The following IL1RAP variants were observed in gnomAD, a reference collection of about 807,000 sequenced individuals.
IL1RAP encodes interleukin-1 receptor accessory protein.
IL1RAP carries 35 observed loss-of-function variants against 60.7 expected under a neutral mutation model. That is an observed-to-expected ratio of 0.58 (90% CI 0.44 to 0.76). The LOEUF is 0.76. Among genes scored for constraint, IL1RAP ranks in the 30% least tolerant of loss-of-function variants. The pLI, the probability that IL1RAP is intolerant of heterozygous loss-of-function variation, is 0.00. For synonymous variants in IL1RAP, 268 were observed against 250.9 expected, an observed-to-expected ratio of 1.07 and a Z score of -0.64; for missense variants, 572 against 693.9, an observed-to-expected ratio of 0.82 and a Z score of 1.97.
chr3:190,556,849 G>A (rs762546221), intron 2 of IL1RAP, among the ~76,000 whole-genome samples: 2 of 152,194 alleles, frequency 1.3e-5, no homozygotes, highest in Non-Finnish European at 2.9e-5. Context: ...AATAAGAGTT[G>A]ATGATAAACA....
At chr3:190,538,658 T>A (rs1399655600) in intron 1 of IL1RAP, among the ~76,000 whole-genome samples, 1 of 152,174 alleles carries the variant, frequency 6.6e-6, no homozygotes. Context: ...GGTTGGGTTT[T>A]ATAGACCCTA....
At chr3:190,654,864 A>G (rs75067594), downstream of IL1RAP, among the ~76,000 whole-genome samples, 1,641 of 152,312 alleles carry the variant, frequency 0.011, 31 homozygotes, top group African/African-American at 0.038. Flanking sequence ...TAAATCTCAC[A>G]GTGAGTTAAG....
In IL1RAP at chr3:190,648,745, C is replaced by T. The variant is rs1392044274; in HGVS notation, c.*40C>T. ...AGGGTAAAAAGAACAAGGGGTGCTC[C>T]AGGAAGAAAGAGTCCCCCCAGTCTT... On this transcript the variant is annotated 3_prime_UTR_variant, in exon 12 of 12. Coordinates refer to ENST00000447382, the MANE Select transcript of IL1RAP (RefSeq NM_002182.4). The T allele has an allele frequency of 6.4e-7, 1 of 1,558,144 alleles. No individual in the cohort carries two copies. The highest frequency in any genetic ancestry group is 8.7e-7 in the Non-Finnish European group (1 of 1,155,818).
chr3:190,583,303 G>A (rs377217804), intron 3 of IL1RAP, among the ~76,000 whole-genome samples: 132 of 152,306 alleles, frequency 8.7e-4, no homozygotes, highest in African/African-American at 2.9e-3. Context: ...AATACTCAGC[G>A]AATGAATGAA....
Position 190,648,325 on chromosome 3 carries a change from T to C in IL1RAP, c.1346-13T>C, listed in dbSNP as rs764530298. The C allele has an allele frequency of 2.6e-6, 4 of 1,563,518 alleles. No individual in the cohort carries two copies. The Admixed American group carries it at 8.1e-5, about 32-fold the overall frequency. On this transcript the variant is annotated splice_polypyrimidine_tract_variant and intron_variant, in intron 11 of 11. Transcript: ENST00000447382. ...TGGCCAACACTAATCCCCATGGTTG[T>C]TTTCTTTCCCAGTTGTCACAGATGA... is the stretch of plus-strand genomic sequence containing the variant.
At chr3:190,594,019 C>A (rs1288092258) in intron 3 of IL1RAP, among the ~76,000 whole-genome samples, 1 of 152,134 alleles carries the variant, frequency 6.6e-6, no homozygotes, top group East Asian at 1.9e-4. Flanking sequence ...GTTCATCTAG[C>A]CACTTATTTG....
At chr3:190,656,091 A>G (rs1264423354), downstream of IL1RAP, 47 of 1,537,292 alleles carry the variant, frequency 3.1e-5, no homozygotes, top group Non-Finnish European at 4.1e-5. Flanking sequence ...TTCAGCTCAA[A>G]GAGTCTGTGT....
At chr3:190,643,237 T>C (rs1733784488) in intron 9 of IL1RAP, among the ~76,000 whole-genome samples, 1 of 152,174 alleles carries the variant, frequency 6.6e-6, no homozygotes, top group Non-Finnish European at 1.5e-5. Flanking sequence ...CAATAAAAAT[T>C]TTATTCTATA....
chr3:190,572,191 A>G (rs1358125690), intron 3 of IL1RAP, among the ~76,000 whole-genome samples: 1 of 152,194 alleles, frequency 6.6e-6, no homozygotes, highest in Non-Finnish European at 1.5e-5. Flanking sequence ...GACTATCCCA[A>G]AATTGCTTAA....
chr3:190,532,655 A>G (rs1039938208), intron 1 of IL1RAP, among the ~76,000 whole-genome samples: 3 of 152,208 alleles, frequency 2.0e-5, no homozygotes, highest in African/African-American at 7.2e-5. Context: ...ACCCAGGTCT[A>G]TATGGCTGTA....
chr3:190,652,439 C>T (rs771673372), downstream of IL1RAP, among the ~76,000 whole-genome samples: 25 of 149,422 alleles, frequency 1.7e-4, no homozygotes, highest in Non-Finnish European at 3.1e-4. Context: ...TCCAGCCTGG[C>T]GACAGAGCGA....
chr3:190,590,145 C>T (rs1488749679), intron 3 of IL1RAP, among the ~76,000 whole-genome samples: 1 of 152,162 alleles, frequency 6.6e-6, no homozygotes, highest in Non-Finnish European at 1.5e-5. Context: ...ATCTTATTTA[C>T]CGCTAACAAC....
chr3:190,543,458 T>C (rs192000864), intron 1 of IL1RAP, among the ~76,000 whole-genome samples: 7 of 152,218 alleles, frequency 4.6e-5, no homozygotes, highest in Non-Finnish European at 1.5e-5. Flanking sequence ...AGAGAAGACA[T>C]ACACACTTAT....
chr3:190,641,663 A>G (rs1478738559), intron 9 of IL1RAP, among the ~76,000 whole-genome samples: 1 of 152,210 alleles, frequency 6.6e-6, no homozygotes, highest in African/African-American at 2.4e-5. Flanking sequence ...TCGGTCATTA[A>G]GCAGGCTCTC....
intron 1 of IL1RAP, among the ~76,000 whole-genome samples, chr3:190,532,670 T>C (rs73058186): frequency 0.014 from 2,122 of 152,274 alleles, 55 homozygotes; most frequent in African/African-American, 0.049. Context: ...GCTGTAAAGC[T>C]CATGATGAAA....
At chr3:190,576,925 C>A (rs1012523703) in intron 3 of IL1RAP, among the ~76,000 whole-genome samples, 2 of 150,826 alleles carry the variant, frequency 1.3e-5, no homozygotes, top group African/African-American at 4.9e-5. Flanking sequence ...CACGGTGAAA[C>A]CCCGTCTCTA....
intron 1 of IL1RAP, among the ~76,000 whole-genome samples, chr3:190,545,792 G>A (rs1204943706): frequency 1.3e-5 from 2 of 152,210 alleles, no homozygotes; most frequent in East Asian, 3.9e-4. Context: ...ATCTCTTTAG[G>A]TTGTGAGATG....
intron 1 of IL1RAP, among the ~76,000 whole-genome samples, chr3:190,526,609 T>C (rs577795852): frequency 3.3e-5 from 5 of 152,344 alleles, no homozygotes; most frequent in Admixed American, 6.5e-5. Flanking sequence ...CTAAACCTCT[T>C]TCTTCATCTA....
intron 10 of IL1RAP, among the ~76,000 whole-genome samples, chr3:190,645,094 C>A (rs1156274886): frequency 1.3e-5 from 2 of 152,140 alleles, no homozygotes; most frequent in South Asian, 2.1e-4. Flanking sequence ...AGCTCTAGTG[C>A]AAATTTGCTT....
Sources: gnomAD v4.1 joint callset for allele counts (sites outside exome capture counted in the v4.1 genomes callset) on GRCh38, gnomAD v4.1.1 for gene constraint, MANE v1.5 for transcripts, NCBI Gene and HGNC (gene_info 2026-07-23, HGNC 2026-07-21) for gene names.